MGAT5: variants seen among roughly 807,000 people sequenced by gnomAD.
MGAT5 encodes the protein alpha-1,6-mannosylglycoprotein 6-beta-N-acetylglucosaminyltransferase.
MGAT5 carries 30 observed loss-of-function variants against 94.3 expected under a neutral mutation model. That is an observed-to-expected ratio of 0.32 (90% confidence interval 0.24 to 0.43). The LOEUF (loss-of-function observed/expected upper bound fraction) is 0.43, where lower values mean the gene tolerates loss of function less well. Ranked by LOEUF, MGAT5 falls within the 20% of genes least tolerant of loss-of-function variation. The pLI, the probability that MGAT5 is intolerant of heterozygous loss-of-function variation, is 1.00. For synonymous variants in MGAT5, 310 were observed against 322.9 expected (o/e 0.96, Z 0.43); for missense variants, 691 against 905.5 (o/e 0.76, Z 3.04).
At chr2:134,430,324 A>AAGACTGAG (rs1684814187) in intron 14 of MGAT5, among the ~76,000 whole-genome samples, 1 of 152,220 alleles carries the variant, frequency 6.6e-6, no homozygotes, top group Non-Finnish European at 1.5e-5. Context: ...CAGGAATTCC[A>AAGACTGAG]GCCAGTCTTT....
chr2:134,322,238 T>G (rs1687374888), intron 4 of MGAT5, among the ~76,000 whole-genome samples: 1 of 152,166 alleles, frequency 6.6e-6, no homozygotes, highest in Non-Finnish European at 1.5e-5. Context: ...GCCTTGGACA[T>G]TATATGTGGG....
intron 1 of MGAT5, among the ~76,000 whole-genome samples, chr2:134,241,171 C>T (rs964214075): frequency 3.9e-5 from 6 of 152,204 alleles, no homozygotes; most frequent in African/African-American, 7.2e-5. Context: ...CCATATAACC[C>T]GTGGGAGCAG....
chr2:134,299,963 T>G (rs533760093), intron 2 of MGAT5, among the ~76,000 whole-genome samples: 3 of 152,308 alleles, frequency 2.0e-5, no homozygotes, highest in Non-Finnish European at 2.9e-5. Flanking sequence ...TCATGAAATT[T>G]TGTCATATCA....
intron 1 of MGAT5, among the ~76,000 whole-genome samples, chr2:134,181,332 G>C (rs1688724279): frequency 6.6e-6 from 1 of 152,180 alleles, no homozygotes; most frequent in African/African-American, 2.4e-5. Context: ...GAGAAACCCT[G>C]CTCTACACTC....
intron 1 of MGAT5, among the ~76,000 whole-genome samples, chr2:134,189,602 G>GTTGTTTT (rs1689232395): frequency 3.5e-5 from 3 of 84,670 alleles, no homozygotes; most frequent in African/African-American, 1.4e-4. Context: ...GTTTTTTTTT[G>GTTGTTTT]TTTTTTTTTT....
chr2:134,440,687 G>A (rs1685437089), intron 14 of MGAT5, among the ~76,000 whole-genome samples: 1 of 152,198 alleles, frequency 6.6e-6, no homozygotes, highest in Admixed American at 6.5e-5. Flanking sequence ...ACACATGCAA[G>A]AAATCAGAAG....
intron 1 of MGAT5, among the ~76,000 whole-genome samples, chr2:134,201,841 TTTAA>T (rs1679802956): frequency 6.9e-6 from 1 of 144,438 alleles, no homozygotes; most frequent in Non-Finnish European, 1.5e-5. Context: ...TTTTTTTTTT[TTTAA>T]TTGAGAGGAG....
intron 1 of MGAT5, among the ~76,000 whole-genome samples, chr2:134,186,766 A>C (rs1283317327): frequency 6.6e-6 from 1 of 152,190 alleles, no homozygotes; most frequent in Non-Finnish European, 1.5e-5. Context: ...TCATTCCTTC[A>C]TTTGACATGC....
At chr2:134,185,771 T>A (rs531101832) in intron 1 of MGAT5, among the ~76,000 whole-genome samples, 2 of 152,196 alleles carry the variant, frequency 1.3e-5, no homozygotes, top group Admixed American at 6.5e-5. Flanking sequence ...TACCAACGAG[T>A]GGCAAAATGA....
At chr2:134,201,811 C>T (rs944890681) in intron 1 of MGAT5, among the ~76,000 whole-genome samples, 18 of 126,492 alleles carry the variant, frequency 1.4e-4, no homozygotes, top group South Asian at 5.0e-4. Flanking sequence ...CTGGGCCAAG[C>T]GCTGCTTTTT....
rs754289087 is a variant in MGAT5 at position 134,254,354 on chromosome 2, C to A, written c.-50C>A. ...CTCAACCTACACCATGAATTTGTGT[C>A]TATCTTCTACGCGTTAAGAGCCAAG... On this transcript the variant is annotated 5_prime_UTR_variant, in exon 1 of 16. Coordinates refer to ENST00000281923, the MANE Select transcript of MGAT5 (RefSeq NM_002410.5). 1.2e-6 allele frequency: 2 copies of A among 1,600,660 alleles called. No homozygotes were observed. Among genetic ancestry groups the A allele is most frequent in the Non-Finnish European group, 1.7e-6 (2 of 1,172,918 alleles).
upstream of MGAT5, among the ~76,000 whole-genome samples, chr2:134,249,237 G>T (rs1197914893): frequency 1.2e-4 from 17 of 144,144 alleles, no homozygotes; most frequent in Non-Finnish European, 9.2e-5. Flanking sequence ...TTTTTTAACA[G>T]TTTTTTTTTT....
intron 1 of MGAT5, among the ~76,000 whole-genome samples, chr2:134,239,961 G>A (rs370375445): frequency 2.6e-5 from 4 of 152,046 alleles, no homozygotes; most frequent in African/African-American, 4.8e-5. Flanking sequence ...CCTTCTTGAA[G>A]AGGGAAGCAC....
rs933648747 is a variant in MGAT5 at position 134,244,944 on chromosome 2, C to A, written c.-142-9318C>A. 4.6e-5 allele frequency among the ~76,000 whole-genome samples: 7 copies of A among 152,268 alleles called. No individual in the cohort carries two copies. In the East Asian group the frequency reaches 1.3e-3, roughly 29 times the overall value. The stretch of plus-strand genomic sequence containing the variant: ...TGTCAGTTGTGCAAAGATTGAGAAA[C>A]ATTGGATTAAAGTGATTTATTTCAT... On this transcript the variant is annotated intron_variant, in intron 1 of 16. Transcript: ENST00000409645.
intron 2 of MGAT5, among the ~76,000 whole-genome samples, chr2:134,308,068 T>C (rs1332091419): frequency 6.6e-6 from 1 of 152,154 alleles, no homozygotes; most frequent in East Asian, 1.9e-4. Context: ...GTGTCTTCTG[T>C]AGTAGAATGA....
chr2:134,382,940 T>G (rs1457683760), intron 10 of MGAT5, among the ~76,000 whole-genome samples: 1 of 152,206 alleles, frequency 6.6e-6, no homozygotes, highest in Non-Finnish European at 1.5e-5. Flanking sequence ...TGATGAAATA[T>G]AAATGTGAAA....
intron 1 of MGAT5, among the ~76,000 whole-genome samples, chr2:134,139,462 C>T (rs1002760869): frequency 3.3e-5 from 5 of 152,124 alleles, no homozygotes; most frequent in Non-Finnish European, 7.4e-5. Context: ...AAAATCCCAG[C>T]CCTCAAATAC....
At chr2:134,156,768 C>T (rs1304961226) in intron 1 of MGAT5, among the ~76,000 whole-genome samples, 1 of 152,132 alleles carries the variant, frequency 6.6e-6, no homozygotes, top group Non-Finnish European at 1.5e-5. Flanking sequence ...ACAGCCTTCA[C>T]GACATTCCTC....
At chr2:134,319,262 CA>C (rs1558787058) in intron 4 of MGAT5, among the ~76,000 whole-genome samples, 1 of 152,028 alleles carries the variant, frequency 6.6e-6, no homozygotes, top group Non-Finnish European at 1.5e-5. Context: ...GCAGCTGCCC[CA>C]TTTTATACCA....
Sources: allele counts gnomAD v4.1 joint callset (sites outside exome capture counted in the v4.1 genomes callset), GRCh38; gene constraint gnomAD v4.1.1; transcripts MANE v1.5; gene names NCBI Gene and HGNC (gene_info 2026-07-23, HGNC 2026-07-21).